Variants in PLXNA4 observed in about 807,000 individuals in gnomAD.
PLXNA4 encodes plexin A4, also known as plexin-A4.
In PLXNA4, 44 loss-of-function variants were observed where a neutral mutation model predicts 191.8. The observed-to-expected ratio is 0.23, with a 90% confidence interval of 0.18 to 0.29. The LOEUF is 0.29. Among genes scored for constraint, PLXNA4 ranks in the 10% least tolerant of loss-of-function variants. The pLI is 1.00. For synonymous variants in PLXNA4, 1,082 were observed against 1,009.5 expected (o/e 1.07, Z -1.36); for missense variants, 1,800 against 2,488.8 (o/e 0.72, Z 5.89).
In PLXNA4 at chr7:132,187,594, G is replaced by A. The variant is rs1264323157; in HGVS notation, c.2870C>T (p.Ser957Leu). Residue 957 changes from serine (S) to leucine (L), a missense_variant, in exon 15 of 32, where the codon TCA becomes TTA. This residue lies in a region of PLXNA4 where 1,397 missense variants were observed against 1,880.4 expected (regional missense o/e 0.74). Transcript: ENST00000321063. ...GGGCCCCCGGCTGGGCTTCAGATCTGAGAGAGTCAGTGTCTGTGTAGAAAG... is the reference window on the plus strand; with the variant it reads ...GGGCCCCCGGCTGGGCTTCAGATCTAAGAGAGTCAGTGTCTGTGTAGAAAG... ...QLYYFMTLTLSDLKPSRGPMS... is the reference protein window; with the variant it reads ...QLYYFMTLTLLDLKPSRGPMS... 4 of 1,613,266 alleles carry A rather than the reference G, an allele frequency of 2.5e-6. No homozygotes were observed. Among genetic ancestry groups the A allele is most frequent in the Non-Finnish European group, 3.4e-6 (4 of 1,179,582 alleles).
At chr7:132,492,880 C>T (rs1049768714) in intron 2 of PLXNA4, among the ~76,000 whole-genome samples, 1 of 152,162 alleles carries the variant, frequency 6.6e-6, no homozygotes, top group Admixed American at 6.5e-5. Context: ...TATAGAAATC[C>T]TGCCTGGAAC....
chr7:132,436,518 A>G, intron 3 of PLXNA4, among the ~76,000 whole-genome samples: 1 of 152,194 alleles, frequency 6.6e-6, no homozygotes. Context: ...CTGCAAATGG[A>G]AACACAGCAG....
At chr7:132,602,573 A>G (rs1439415202) in intron 2 of PLXNA4, among the ~76,000 whole-genome samples, 1 of 152,182 alleles carries the variant, frequency 6.6e-6, no homozygotes, top group Non-Finnish European at 1.5e-5. Flanking sequence ...TCAAGACCCA[A>G]ACAAGCTTCC....
At chr7:132,257,036 G>T (rs1263898315) in intron 4 of PLXNA4, among the ~76,000 whole-genome samples, 1 of 152,248 alleles carries the variant, frequency 6.6e-6, no homozygotes, top group Non-Finnish European at 1.5e-5. Context: ...TGAAGACACA[G>T]GTTGGGAGGG....
chr7:132,508,444 G>C lies in PLXNA4; in HGVS notation c.250C>G (p.His84Asp), dbSNP rs1452931124. 1.2e-6 allele frequency: 2 copies of C among 1,614,096 alleles called. No individual in the cohort carries two copies. Among genetic ancestry groups the C allele is most frequent in the Non-Finnish European group, 1.7e-6 (2 of 1,180,044 alleles). ...TTGTCCTCGTCCGGCCCTGTCTCAT[G>C]CGTCACCAAGACCTTCAGGTCGCTG... ...LSSDLKVLVT[H>D]ETGPDEDNPK... The change falls in exon 2 of 32, where the codon CAT (histidine) becomes GAT (aspartate). Residue 84 changes from histidine to aspartate, a missense_variant. Around this residue, in one of 6 missense-constraint regions of PLXNA4, gnomAD observed 1,397 missense variants for 1,880.4 expected, o/e 0.74. Coordinates refer to ENST00000321063, the MANE Select transcript of PLXNA4 (RefSeq NM_020911.2). The surrounding 1 kb of genome is among the most constrained non-coding windows in gnomAD (Gnocchi z 4.4).
chr7:132,547,083 G>A (rs1250340472), intron 1 of PLXNA4, among the ~76,000 whole-genome samples: 1 of 152,176 alleles, frequency 6.6e-6, no homozygotes, highest in African/African-American at 2.4e-5. Context: ...GCTCCATGGT[G>A]ATATTTTCCC....
intron 25 of PLXNA4, among the ~76,000 whole-genome samples, chr7:132,154,943 ATTATCT>A (rs1215897962): frequency 6.6e-6 from 1 of 152,170 alleles, no homozygotes; most frequent in Non-Finnish European, 1.5e-5. Flanking sequence ...GAAAAATCCC[ATTATCT>A]TTATCTGTCC....
At chr7:132,457,456 G>A (rs1362506398) in intron 3 of PLXNA4, among the ~76,000 whole-genome samples, 1 of 152,228 alleles carries the variant, frequency 6.6e-6, no homozygotes, top group Non-Finnish European at 1.5e-5. Context: ...ACAGAGAGGA[G>A]CTAAACAACT....
intron 14 of PLXNA4, among the ~76,000 whole-genome samples, chr7:132,191,670 A>C (rs1797090849): frequency 6.6e-6 from 1 of 152,104 alleles, no homozygotes; most frequent in South Asian, 2.1e-4. Context: ...TTGGCCATGC[A>C]GCAGTTTCCT....
At chr7:132,489,591 T>C in intron 2 of PLXNA4, 117 bp from the exon 3 acceptor site, 1 of 946,666 alleles carries the variant, frequency 1.1e-6, no homozygotes, top group Non-Finnish European at 1.5e-6. Flanking sequence ...CTGGTAACAA[T>C]CCCTCTTTTT....
intron 31 of PLXNA4, among the ~76,000 whole-genome samples, chr7:132,132,457 G>A (rs1307778858): frequency 0.039 from 1,843 of 46,680 alleles, 95 homozygotes; most frequent in East Asian, 0.06. Flanking sequence ...GTTCTGTTCT[G>A]TTCTGTTCTG....
At chr7:132,247,492 G>C (rs899201591) in intron 4 of PLXNA4, among the ~76,000 whole-genome samples, 5 of 152,196 alleles carry the variant, frequency 3.3e-5, no homozygotes, top group Non-Finnish European at 7.3e-5. Context: ...CGCTGCACTT[G>C]GTGCTGTACC....
intron 4 of PLXNA4, among the ~76,000 whole-genome samples, chr7:132,253,219 ATTTTTCT>A (rs1410931622): frequency 7.0e-5 from 10 of 142,590 alleles, no homozygotes; most frequent in Admixed American, 2.1e-4. Context: ...GACAGCTTGA[ATTTTTCT>A]TTTTTCTTTT....
At chr7:132,502,162 G>A (rs1161901277) in intron 2 of PLXNA4, among the ~76,000 whole-genome samples, 2 of 152,198 alleles carry the variant, frequency 1.3e-5, no homozygotes, top group African/African-American at 4.8e-5. Context: ...TGGAGTTTCA[G>A]GATCTCAGGC....
intron 3 of PLXNA4, among the ~76,000 whole-genome samples, chr7:132,486,983 A>G (rs987151946): frequency 7.2e-5 from 11 of 152,326 alleles, no homozygotes; most frequent in Non-Finnish European, 1.5e-4. Flanking sequence ...TCCACAGGCA[A>G]GAGAGTACCA....
chr7:132,301,020 G>A (rs1801284570), intron 3 of PLXNA4, among the ~76,000 whole-genome samples: 1 of 152,186 alleles, frequency 6.6e-6, no homozygotes, highest in Admixed American at 6.5e-5. Context: ...ATGGACAGAG[G>A]GGTGGATGAG....
chr7:132,449,240 A>G (rs1051679800), intron 3 of PLXNA4, among the ~76,000 whole-genome samples: 3 of 152,154 alleles, frequency 2.0e-5, no homozygotes, highest in African/African-American at 4.8e-5. Flanking sequence ...CTTTCTCCAC[A>G]GTTCTCCTGG....
chr7:132,432,142 C>T (rs1186525501), intron 3 of PLXNA4, among the ~76,000 whole-genome samples: 1 of 152,196 alleles, frequency 6.6e-6, no homozygotes, highest in Non-Finnish European at 1.5e-5. Context: ...ACCCTCCTCA[C>T]TCCAAGAAGC....
chr7:132,484,719 TC>T, intron 3 of PLXNA4: 1 of 1,540,756 alleles, frequency 6.5e-7, no homozygotes, highest in Non-Finnish European at 8.8e-7. Context: ...ACATTGTATC[TC>T]CATTTGATTT....
Sources: gnomAD v4.1 joint callset for allele counts (sites outside exome capture counted in the v4.1 genomes callset) on GRCh38, gnomAD v4.1.1 for gene constraint, gnomAD v4.1.1 regional missense constraint, Gnocchi (gnomAD v3.1) non-coding constraint, MANE v1.5 for transcripts, NCBI Gene and HGNC (gene_info 2026-07-23, HGNC 2026-07-21) for gene names.